Variants in NCAM2 observed in about 807,000 individuals in gnomAD.
NCAM2 encodes N-CAM-2.
NCAM2 carries 30 observed loss-of-function variants against 98.1 expected under a neutral mutation model. The observed-to-expected ratio is 0.31, with a 90% CI of 0.23 to 0.41. The LOEUF (loss-of-function observed/expected upper bound fraction) is 0.41, where lower values mean the gene tolerates loss of function less well. NCAM2 is among the 10% of genes least tolerant of loss of function. The probability of loss-of-function intolerance (pLI) is 1.00; values close to 1 mark genes in which losing one functional copy is unlikely to be tolerated. For synonymous variants in NCAM2, 368 were observed against 342.4 expected, an observed-to-expected ratio of 1.07 and a Z score of -0.83; for missense variants, 867 against 1,005.8, an observed-to-expected ratio of 0.86 and a Z score of 1.87.
At chr21:21,215,126 A>G (rs1343938768) in intron 1 of NCAM2, among the ~76,000 whole-genome samples, 2 of 152,068 alleles carry the variant, frequency 1.3e-5, no homozygotes, top group Non-Finnish European at 2.9e-5. Flanking sequence ...AAATTGTGAT[A>G]ATGGAAATAT....
At chr21:21,116,586 G>A (rs2066563970) in intron 1 of NCAM2, among the ~76,000 whole-genome samples, 2 of 152,116 alleles carry the variant, frequency 1.3e-5, no homozygotes, top group African/African-American at 4.8e-5. Flanking sequence ...CGGGCGCAGC[G>A]GCTCACGCCT....
At chr21:21,347,307 G>GA (rs1164062888) in intron 8 of NCAM2, among the ~76,000 whole-genome samples, 2 of 151,756 alleles carry the variant, frequency 1.3e-5, no homozygotes, top group Admixed American at 6.6e-5. Flanking sequence ...CACAGAAATA[G>GA]AAAAAACTTT....
chr21:21,208,826 G>A (rs1378077041), intron 1 of NCAM2, among the ~76,000 whole-genome samples: 1 of 152,076 alleles, frequency 6.6e-6, no homozygotes, highest in East Asian at 1.9e-4. Flanking sequence ...ATCATGCTCA[G>A]TAAGTTTTTA....
intron 1 of NCAM2, among the ~76,000 whole-genome samples, chr21:21,118,560 C>A (rs1226973336): frequency 6.6e-6 from 1 of 152,148 alleles, no homozygotes; most frequent in East Asian, 1.9e-4. Flanking sequence ...GGTCTTGGAA[C>A]TGATCAGCAG....
chr21:21,245,160 C>T (rs954056318), intron 1 of NCAM2, among the ~76,000 whole-genome samples: 2 of 152,166 alleles, frequency 1.3e-5, no homozygotes, highest in Non-Finnish European at 2.9e-5. Context: ...TGCATTCCTC[C>T]AAGCTTTTGC....
intron 1 of NCAM2, among the ~76,000 whole-genome samples, chr21:21,080,738 C>T (rs1206430630): frequency 2.8e-5 from 4 of 145,318 alleles, no homozygotes; most frequent in South Asian, 4.5e-4. Flanking sequence ...TAGAATTATT[C>T]GGGTAAATTT....
At chr21:21,495,562 T>C (rs757350615) in intron 15 of NCAM2, among the ~76,000 whole-genome samples, 1 of 152,078 alleles carries the variant, frequency 6.6e-6, no homozygotes, top group Non-Finnish European at 1.5e-5. Flanking sequence ...TGGTGCTGTT[T>C]GTCAATTTTG....
chr21:21,124,932 T>A (rs1999293), intron 1 of NCAM2, among the ~76,000 whole-genome samples: 1 of 152,118 alleles, frequency 6.6e-6, no homozygotes, highest in South Asian at 2.1e-4. Context: ...TTCTGAAATT[T>A]TGTAAGCTGA....
chr21:21,223,448 A>G (rs910371870), intron 1 of NCAM2: 1 of 152,144 alleles, frequency 6.6e-6, no homozygotes, highest in Non-Finnish European at 1.5e-5. Context: ...TGTGTCACAA[A>G]GCTCATGATT....
At chr21:21,016,137 G>T (rs1413051782) in intron 1 of NCAM2, among the ~76,000 whole-genome samples, 2 of 152,124 alleles carry the variant, frequency 1.3e-5, no homozygotes, top group Admixed American at 1.3e-4. Flanking sequence ...TTGGTGGTGA[G>T]GAGAATGACA....
At chr21:21,128,011 T>C (rs1372086713) in intron 1 of NCAM2, among the ~76,000 whole-genome samples, 2 of 152,142 alleles carry the variant, frequency 1.3e-5, no homozygotes, top group African/African-American at 4.8e-5. Context: ...CCATTGTTAC[T>C]ACCTACCATT....
chr21:21,508,713 C>T (rs1988147271), intron 15 of NCAM2, 138 bp from the exon 16 acceptor site: 6 of 671,456 alleles, frequency 8.9e-6, no homozygotes, highest in Non-Finnish European at 9.0e-6. Flanking sequence ...GTTACTATGA[C>T]TTTATTCTGT....
At chr21:21,185,069 C>T (rs772132128) in intron 1 of NCAM2, among the ~76,000 whole-genome samples, 13 of 152,068 alleles carry the variant, frequency 8.5e-5, no homozygotes, top group Non-Finnish European at 1.5e-4. Flanking sequence ...ATACATTTCC[C>T]AGACATTTGA....
At chr21:21,016,473 T>G (rs2064311903) in intron 1 of NCAM2, among the ~76,000 whole-genome samples, 2 of 152,082 alleles carry the variant, frequency 1.3e-5, no homozygotes, top group South Asian at 4.1e-4. Flanking sequence ...TTTAAAGAGT[T>G]TAGATGACTT....
chr21:21,539,383 T>C lies in NCAM2; in HGVS notation c.*1426T>C, dbSNP rs919302926. On this transcript the variant is annotated 3_prime_UTR_variant, in exon 18 of 18. Coordinates refer to ENST00000400546, the MANE Select transcript of NCAM2 (RefSeq NM_004540.5). ...CATTCAGAACCTTTGGTGTTTCAGG[T>C]GGTATTATAGCTCAAATAGTGACAG... 2.6e-5 allele frequency: 4 copies of C among 152,126 alleles called. No homozygotes were observed. The highest frequency in any genetic ancestry group is 9.7e-5 in the African/African-American group (4 of 41,430). The allele number at this position is 152,126 out of a possible 1,614,324, so 9.4% of individuals were successfully genotyped here.
intron 8 of NCAM2, among the ~76,000 whole-genome samples, chr21:21,370,363 T>C (rs1238001667): frequency 6.6e-6 from 1 of 151,920 alleles, no homozygotes; most frequent in Non-Finnish European, 1.5e-5. Context: ...CAAAAATAAA[T>C]GTTTTGTGTC....
At chr21:21,146,580 A>G (rs554328280) in intron 1 of NCAM2, among the ~76,000 whole-genome samples, 233 of 140,668 alleles carry the variant, frequency 1.7e-3, no homozygotes, top group African/African-American at 6.3e-3. Context: ...TATATGGATT[A>G]TATAAAATAC....
At chr21:21,419,920 C>A (rs1255932273) in intron 11 of NCAM2, among the ~76,000 whole-genome samples, 1 of 151,896 alleles carries the variant, frequency 6.6e-6, no homozygotes, top group African/African-American at 2.4e-5. Context: ...GTTCTAGATC[C>A]CTGAGGAATC....
At chr21:21,165,367 A>G (rs1411654317) in intron 1 of NCAM2, among the ~76,000 whole-genome samples, 1 of 152,082 alleles carries the variant, frequency 6.6e-6, no homozygotes, top group Non-Finnish European at 1.5e-5. Flanking sequence ...TGATTGAGCT[A>G]CTCACTCCAG....
Sources: allele counts gnomAD v4.1 joint callset (sites outside exome capture counted in the v4.1 genomes callset), GRCh38; gene constraint gnomAD v4.1.1; transcripts MANE v1.5; gene names NCBI Gene and HGNC (gene_info 2026-07-23, HGNC 2026-07-21).